The following IGSF22 variants were observed in gnomAD, a reference collection of about 807,000 sequenced individuals.
IGSF22 encodes immunoglobulin superfamily member 22.
Under a neutral mutation model 127.0 loss-of-function variants are expected in IGSF22, and 119 were observed. The ratio of observed to expected loss-of-function variants is 0.94; its 90% CI spans 0.81 to 1.09. The LOEUF (loss-of-function observed/expected upper bound fraction) is 1.09. Among genes scored for constraint, IGSF22 ranks in the 50% least tolerant of loss-of-function variants. The probability of loss-of-function intolerance (pLI) is 0.00; values close to 1 mark genes in which losing one functional copy is unlikely to be tolerated. For synonymous variants in IGSF22, 568 were observed against 664.7 expected (o/e 0.85, Z 2.24); for missense variants, 1,518 against 1,716.6 (o/e 0.88, Z 2.04).
chr11:18,719,310 G>T (rs7105595), intron 7 of IGSF22, among the ~76,000 whole-genome samples: 62,758 of 149,518 alleles, frequency 0.42, 13,365 homozygotes, highest in African/African-American at 0.47. Context: ...ACACCCAGCG[G>T]TTTTTTTTTG....
chr11:18,707,931 A>G lies in IGSF22; in HGVS notation c.3153T>C (p.Ile1051=). The stretch of plus-strand genomic sequence containing the variant: ...ACTGGGAGTGGTTTTTGCTCTTGGT[A>G]ATTGTCTCTCGGCCCTTGGTGGGAA... The part of the protein sequence containing the change: ...DGVPTKGRET[I]TKSKNHSQFL... Residue 1051 remains isoleucine (I), a synonymous_variant, in exon 20 of 23, where the codon ATT becomes ATC. Coordinates refer to ENST00000513874, the MANE Select transcript of IGSF22 (RefSeq NM_173588.4). The G allele has an allele frequency of 6.2e-7, 1 of 1,614,190 alleles. No homozygotes were observed. The highest frequency in any genetic ancestry group is 1.3e-5 in the African/African-American group (1 of 75,050).
At chr11:18,719,621 G>C in intron 7 of IGSF22, 95 bp downstream of exon 7, 2 of 1,254,154 alleles carry the variant, frequency 1.6e-6, no homozygotes, top group South Asian at 2.8e-5. Flanking sequence ...TGCAGAACTG[G>C]GGAGACCTTC....
intron 20 of IGSF22, chr11:18,707,497 C>A (rs1163832060): frequency 1.9e-6 from 1 of 526,922 alleles, no homozygotes; most frequent in Non-Finnish European, 3.3e-6. Flanking sequence ...AGTTACTGTT[C>A]AGTAAAAATG....
At chr11:18,707,248 G>A (rs1406768351) in intron 20 of IGSF22, 35 bp from the exon 21 acceptor site, 19 of 1,485,794 alleles carry the variant, frequency 1.3e-5, no homozygotes, top group Non-Finnish European at 1.6e-5. Context: ...GCGACCTTGG[G>A]GCACCTGAAG....
chr11:18,707,042 C>A lies in IGSF22; in HGVS notation c.3452G>T (p.Ser1151Ile). Residue 1151 changes from serine (S) to isoleucine (I), a missense_variant, in exon 21 of 23, where the codon AGC becomes ATC. Ser to Ile is a moderately radical substitution (Grantham distance 142). This residue lies in a region of IGSF22 where 1,456 missense variants were observed against 1,644.9 expected (regional missense o/e 0.89). Transcript: ENST00000513874. ...TWYTAAERVF[S>I]NKYTVTGLLP... ...CAGCCCCGTCACTGTGTACTTGTTG[C>A]TGAAGACACGCTCGGCTGCCGTGTA... 1 of 1,551,666 alleles carries A rather than the reference C, an allele frequency of 6.4e-7. No individual in the cohort carries two copies. The highest frequency in any genetic ancestry group is 8.7e-7 in the Non-Finnish European group (1 of 1,146,946).
chr11:18,708,271 G>T lies in IGSF22; in HGVS notation c.3023C>A (p.Ala1008Asp), dbSNP rs1848285568. The T allele has an allele frequency of 1.9e-6, 3 of 1,548,240 alleles. No individual in the cohort carries two copies. The highest frequency in any genetic ancestry group is 2.4e-5 in the South Asian group (2 of 83,344). ...PPAAPKFDLS[A>D]RLKSHMVVRA... The stretch of plus-strand genomic sequence containing the variant: ...AACCACCATGTGACTCTTCAGCCGG[G>T]CACTGAGGTCAAACTTGGGTGCAGC... The change falls in exon 19 of 23, where the codon GCC (alanine) becomes GAC (aspartate). Residue 1008 changes from alanine (A) to aspartate (D), a missense_variant. Coordinates refer to ENST00000513874, the MANE Select transcript of IGSF22 (RefSeq NM_173588.4).
At chr11:18,714,801 T>C (rs572717662) in intron 11 of IGSF22, among the ~76,000 whole-genome samples, 177 bp from the exon 12 acceptor site, 3 of 49,810 alleles carry the variant, frequency 6.0e-5, no homozygotes, top group Non-Finnish European at 1.2e-4. Context: ...GGGTGGTCAG[T>C]GGGGGGAACT....
chr11:18,704,551 AG>A lies in IGSF22; in HGVS notation c.3911-14del. On this transcript the variant is annotated splice_polypyrimidine_tract_variant and intron_variant, in intron 22 of 22. Transcript: ENST00000513874. The stretch of plus-strand genomic sequence containing the variant: ...TTATCATCTTTGTCTGAAAGAGCAA[AG>A]GAAGTATTCGTTATATTAATGATGC... 1 of 1,527,272 alleles carries A rather than the reference AG, an allele frequency of 6.5e-7. No individual in the cohort carries two copies. Among genetic ancestry groups the A allele is most frequent in the Non-Finnish European group, 8.9e-7 (1 of 1,126,642 alleles). The allele number at this position is 1,527,272 out of a possible 1,614,324, so 94.6% of individuals were successfully genotyped here.
chr11:18,714,433 TG>T lies in IGSF22; in HGVS notation c.1657-16del. 1 of 1,613,920 alleles carries T rather than the reference TG, an allele frequency of 6.2e-7. No individual in the cohort carries two copies. Among genetic ancestry groups the T allele is most frequent in the Non-Finnish European group, 8.5e-7 (1 of 1,179,850 alleles). ...AAGTCCGTGATCTGGGGGTCAGGGG[TG>T]GGCCTGAGTGTGAGCATAGGCCAGG... On this transcript the variant is annotated splice_polypyrimidine_tract_variant and intron_variant, in intron 12 of 22. Transcript: ENST00000513874.
chr11:18,705,929 G>T lies in IGSF22; in HGVS notation c.3798C>A (p.Gly1266=). Residue 1266 remains glycine, a synonymous_variant, in exon 22 of 23, where the codon GGC becomes GGA. Transcript: ENST00000513874. ...AGGTGGGGATGACGAGGGTGCACAC[G>T]CCGCTGGTGGAGTTGTACCAGAACT... ...NSKFWYNSTS[G]VCTLVIPTCT... The T allele has an allele frequency of 6.4e-7, 1 of 1,551,714 alleles. No homozygotes were observed. Among genetic ancestry groups the T allele is most frequent in the Non-Finnish European group, 8.7e-7 (1 of 1,146,986 alleles).
intron 14 of IGSF22, among the ~76,000 whole-genome samples, chr11:18,713,220 C>T (rs1163696479): frequency 1.3e-5 from 2 of 148,522 alleles, no homozygotes; most frequent in African/African-American, 5.0e-5. Flanking sequence ...TGGCCTGATC[C>T]TGGCTCACTG....
intron 1 of IGSF22, among the ~76,000 whole-genome samples, chr11:18,724,803 T>C (rs1554906408): frequency 1.3e-5 from 2 of 152,196 alleles, no homozygotes; most frequent in Non-Finnish European, 1.5e-5. Context: ...AAGGTTTAGT[T>C]TTTCTTACAT....
Position 18,715,658 on chromosome 11 carries a change from G to A in IGSF22, c.1305C>T (p.Arg435=), listed in dbSNP as rs779678523. 10 of 1,613,680 alleles carry A rather than the reference G, an allele frequency of 6.2e-6. No homozygotes were observed. The highest frequency in any genetic ancestry group is 2.7e-5 in the African/African-American group (2 of 74,890). Residue 435 remains arginine, a synonymous_variant, in exon 11 of 23, where the codon CGC becomes CGT. Transcript: ENST00000513874. ...LKNVRVKERS[R]ACLECELTSK... ...ATGTCAGCTCACACTCCAGGCATGCGCGACTCCTCTCTTTCACACGTACAT... is the reference window on the plus strand; with the variant it reads ...ATGTCAGCTCACACTCCAGGCATGCACGACTCCTCTCTTTCACACGTACAT...
chr11:18,709,659 A>C lies in IGSF22; in HGVS notation c.2726T>G (p.Leu909Arg). Reference sequence around the variant, plus strand: ...GGAGTTGGAGGAATCAGATACATGCAGGTCCTGGACCAGGCCTGGGGGTTC... The same window carrying C: ...GGAGTTGGAGGAATCAGATACATGCCGGTCCTGGACCAGGCCTGGGGGTTC... The part of the protein sequence containing the change: ...PVKPPGLVQD[L>R]HVSDSSNSSI... The change falls in exon 18 of 23, where the codon CTG (leucine) becomes CGG (arginine). Residue 909 changes from leucine to arginine, a missense_variant. Coordinates refer to ENST00000513874, the MANE Select transcript of IGSF22 (RefSeq NM_173588.4). This position sits in a 1 kb window ranked among gnomAD's most constrained non-coding sequence, Gnocchi z 4.8. 1 of 1,614,054 alleles carries C rather than the reference A, an allele frequency of 6.2e-7. No homozygotes were observed. Among genetic ancestry groups the C allele is most frequent in the Non-Finnish European group, 8.5e-7 (1 of 1,179,980 alleles).
chr11:18,705,642 A>G, intron 22 of IGSF22, 175 bp downstream of exon 22: 1 of 621,322 alleles, frequency 1.6e-6, no homozygotes, highest in South Asian at 2.0e-5. Context: ...CATATAACAA[A>G]TGACATCGAA....
chr11:18,716,949 C>T lies in IGSF22; in HGVS notation c.1025G>A (p.Arg342His), dbSNP rs201509265. 127 of 1,614,170 alleles carry T rather than the reference C, an allele frequency of 7.9e-5. 1 individual carries two copies. Among genetic ancestry groups the T allele is most frequent in the African/African-American group, 2.8e-4 (21 of 75,034 alleles). The change falls in exon 10 of 23, where the codon CGC becomes CAC. Residue 342 changes from arginine (R) to histidine (H), a missense_variant. Transcript: ENST00000513874. This position sits in a 1 kb window ranked among gnomAD's most constrained non-coding sequence, Gnocchi z 4.5. ...GCGGATCTCAAACACAGCTGTCTGG[C>T]GCTCTGTCACCTTCACAGGCTTCAT... ...GEMKPVKVTE[R>H]QTAVFEIRLS... is the part of the protein sequence containing the mutation.
Position 18,710,394 on chromosome 11 carries a change from A to G in IGSF22, c.2634T>C (p.Ala878=), listed in dbSNP as rs1848329911. ...GCTGTCCAGGGCCTGCCTTATTTAC[A>G]GCTATAACTCGGAATTCATATTCTG... ...EDTEYEFRVI[A]VNKAGPGQPS... Residue 878 remains alanine, a synonymous_variant, in exon 17 of 23, where the codon GCT becomes GCC. Coordinates refer to ENST00000513874, the MANE Select transcript of IGSF22 (RefSeq NM_173588.4). 1.2e-6 allele frequency: 2 copies of G among 1,614,204 alleles called. No homozygotes were observed. The highest frequency in any genetic ancestry group is 1.7e-6 in the Non-Finnish European group (2 of 1,180,046).
In IGSF22 at chr11:18,714,056, AG is replaced by A; in HGVS notation, c.1890del (p.Phe631SerfsTer9). The A allele has an allele frequency of 6.2e-7, 1 of 1,614,266 alleles. No individual in the cohort carries two copies. Among genetic ancestry groups the A allele is most frequent in the Non-Finnish European group, 8.5e-7 (1 of 1,180,046 alleles). On this transcript the variant is annotated frameshift_variant, in exon 14 of 23. Transcript: ENST00000513874. LOFTEE classifies it high-confidence loss of function. ...ACTTTGGGCAGTGGTTTTCCCCGGAAGGGGACCTTGATGTGGGCCGTGTGGC... is the reference window on the plus strand; with the variant it reads ...ACTTTGGGCAGTGGTTTTCCCCGGAAGGGACCTTGATGTGGGCCGTGTGGC... Reference protein sequence around the residue: ...KVGHTAHIKVPFRGKPLPKVT... With the variant: ...KVGHTAHIKVXFRGKPLPKVT...
chr11:18,721,921 G>C lies in IGSF22; in HGVS notation c.230C>G (p.Thr77Ser), dbSNP rs781557128. 5.6e-6 allele frequency: 9 copies of C among 1,613,186 alleles called. No homozygotes were observed. The highest frequency in any genetic ancestry group is 3.3e-5 in the Admixed American group (2 of 60,012). Reference sequence around the variant, plus strand: ...AGGCAGCAACACACCCTCGGGCGCGGTGACCGGTTGAGGCTTCTCCACGAA... The same window carrying C: ...AGGCAGCAACACACCCTCGGGCGCGCTGACCGGTTGAGGCTTCTCCACGAA... The part of the protein sequence containing the change: ...PEFVEKPQPV[T>S]APEGDKAVFR... Residue 77 changes from threonine to serine, a missense_variant, in exon 3 of 23, where the codon ACC becomes AGC. Transcript: ENST00000513874.
Sources: gnomAD v4.1 joint callset for allele counts (sites outside exome capture counted in the v4.1 genomes callset) on GRCh38, gnomAD v4.1.1 for gene constraint, gnomAD v4.1.1 regional missense constraint, Gnocchi (gnomAD v3.1) non-coding constraint, MANE v1.5 for transcripts, NCBI Gene and HGNC (gene_info 2026-07-23, HGNC 2026-07-21) for gene names.